RFX8: variants seen among roughly 807,000 people sequenced by gnomAD.
The protein encoded by RFX8 is DNA-binding protein RFX8.
In RFX8, 46 loss-of-function variants were observed where a neutral mutation model predicts 54.6. That is an observed-to-expected ratio of 0.84 (90% confidence interval 0.67 to 1.08). The LOEUF (loss-of-function observed/expected upper bound fraction) is 1.08. Ranked by LOEUF, RFX8 falls within the 50% of genes least tolerant of loss-of-function variation. The probability of loss-of-function intolerance (pLI) is 0.00; values close to 1 mark genes in which losing one functional copy is unlikely to be tolerated. For synonymous variants in RFX8, 192 were observed against 209.5 expected (o/e 0.92, Z 0.72); for missense variants, 536 against 562.3 (o/e 0.95, Z 0.47).
intron 2 of RFX8, among the ~76,000 whole-genome samples, chr2:101,452,881 C>T (rs1037755448): frequency 5.3e-5 from 8 of 151,476 alleles, no homozygotes; most frequent in South Asian, 2.1e-4. Flanking sequence ...CTGAGGCAGG[C>T]GAATCATGAG....
intron 1 of RFX8, among the ~76,000 whole-genome samples, chr2:101,468,732 A>G (rs1689719706): frequency 6.6e-6 from 1 of 151,738 alleles, no homozygotes. Flanking sequence ...CCGGGTGGAC[A>G]TGAGTTTTTT....
At chr2:101,456,488 G>A (rs1440249696) in intron 2 of RFX8, among the ~76,000 whole-genome samples, 1 of 152,110 alleles carries the variant, frequency 6.6e-6, no homozygotes, top group African/African-American at 2.4e-5. Context: ...TTTTGTCGTT[G>A]GTTCTGTTTA....
chr2:101,438,037 CTCT>C (rs77066535), intron 2 of RFX8, among the ~76,000 whole-genome samples: 114,128 of 151,522 alleles, frequency 0.75, 43,883 homozygotes, highest in Middle Eastern at 0.87. Flanking sequence ...TAGTTTGTTC[CTCT>C]TTTTTTTTAA....
intron 11 of RFX8, among the ~76,000 whole-genome samples, chr2:101,400,414 C>T (rs970001144): frequency 4.6e-5 from 7 of 152,188 alleles, no homozygotes; most frequent in African/African-American, 1.2e-4. Context: ...TGGACTTCTA[C>T]AAGAATCCTC....
At chr2:101,451,821 T>C (rs1038332220) in intron 2 of RFX8, among the ~76,000 whole-genome samples, 4 of 152,036 alleles carry the variant, frequency 2.6e-5, no homozygotes, top group African/African-American at 9.7e-5. Context: ...AGGCCGGACG[T>C]GGTGGCTCAC....
intron 8 of RFX8, among the ~76,000 whole-genome samples, chr2:101,412,200 G>C (rs1686176329): frequency 6.6e-6 from 1 of 152,180 alleles, no homozygotes; most frequent in Admixed American, 6.5e-5. Context: ...GGAGGGCCTA[G>C]AGATGCCCAT....
At position 101,434,619 on chromosome 2, in the gene RFX8, C is replaced by T. The variant is rs543657298; in HGVS notation, c.73-12147G>A. Among the ~76,000 whole-genome samples the T allele has an allele frequency of 3.6e-3, 546 of 152,214 alleles. 2 individuals carry two copies. The highest frequency in any genetic ancestry group is 6.8e-3 in the Middle Eastern group (2 of 294). On this transcript the variant is annotated intron_variant, in intron 2 of 11. Coordinates refer to ENST00000428343, the MANE Select transcript of RFX8 (RefSeq NM_001145664.2). Reference sequence around the variant, plus strand: ...TGAGCGATAAAATGATAACAGTTCCCGATGTGAGAGGTATTCTGAGCGGTA... The same window carrying T: ...TGAGCGATAAAATGATAACAGTTCCTGATGTGAGAGGTATTCTGAGCGGTA...
chr2:101,400,424 C>T (rs1487709298), intron 11 of RFX8, among the ~76,000 whole-genome samples: 1 of 152,132 alleles, frequency 6.6e-6, no homozygotes, highest in African/African-American at 2.4e-5. Context: ...CAAGAATCCT[C>T]TTAGGTGGGT....
At chr2:101,461,123 G>A (rs937028959) in intron 2 of RFX8, among the ~76,000 whole-genome samples, 1 of 151,390 alleles carries the variant, frequency 6.6e-6, no homozygotes, top group African/African-American at 2.4e-5. Context: ...AAAAAAAATT[G>A]CCGGGCATGG....
intron 5 of RFX8, among the ~76,000 whole-genome samples, chr2:101,418,535 A>G (rs575893806): frequency 1.2e-4 from 18 of 152,254 alleles, no homozygotes; most frequent in Non-Finnish European, 2.9e-5. Context: ...AGTTATGCAT[A>G]TTACAATTCC....
At chr2:101,417,472 C>T in intron 6 of RFX8, 62 bp downstream of exon 6, 1 of 1,469,368 alleles carries the variant, frequency 6.8e-7, no homozygotes, top group Non-Finnish European at 9.1e-7. Flanking sequence ...TTCCAAAGTG[C>T]TGGGATTACA....
chr2:101,435,446 A>G (rs1687726528), intron 2 of RFX8, among the ~76,000 whole-genome samples: 1 of 152,184 alleles, frequency 6.6e-6, no homozygotes, highest in Admixed American at 6.5e-5. Flanking sequence ...AAATGACAAC[A>G]AATTTATCCT....
intron 1 of RFX8, among the ~76,000 whole-genome samples, chr2:101,469,178 GGAGA>G (rs149464200): frequency 4.4e-5 from 6 of 134,862 alleles, no homozygotes; most frequent in South Asian, 2.4e-4. Flanking sequence ...ACATATACAT[GGAGA>G]GAGAGAGAGA....
At position 101,436,552 on chromosome 2, in the gene RFX8, T is replaced by C. The variant is rs183233636; in HGVS notation, c.73-14080A>G. Among the ~76,000 whole-genome samples the C allele has an allele frequency of 1.3e-3, 203 of 152,262 alleles. 2 individuals are homozygous for C. The highest frequency in any genetic ancestry group is 4.5e-3 in the African/African-American group (186 of 41,560). ...TCCAGTTCCTCCCTTAGGCAAATAC[T>C]AGTAGGAGAGTTTTTGTAAATCACT... On this transcript the variant is annotated intron_variant, in intron 2 of 11. Coordinates refer to ENST00000428343, the MANE Select transcript of RFX8 (RefSeq NM_001145664.2).
At chr2:101,399,780 G>A (rs867681954) in intron 11 of RFX8, among the ~76,000 whole-genome samples, 1 of 152,142 alleles carries the variant, frequency 6.6e-6, no homozygotes, top group Admixed American at 6.5e-5. Flanking sequence ...ATCTAATAAG[G>A]GGAAGAAGTA....
chr2:101,448,678 A>G (rs1256352725), intron 2 of RFX8, among the ~76,000 whole-genome samples: 3 of 152,354 alleles, frequency 2.0e-5, no homozygotes, highest in Middle Eastern at 3.4e-3. Flanking sequence ...TGTCTTACCC[A>G]TACTGGAGGC....
At chr2:101,453,287 AAATAAAT>A (rs1220204743) in intron 2 of RFX8, among the ~76,000 whole-genome samples, 17 of 65,694 alleles carry the variant, frequency 2.6e-4, no homozygotes, top group Non-Finnish European at 5.6e-4. Flanking sequence ...AAAAAAAAAT[AAATAAAT>A]AAAAAGAGAG....
At chr2:101,444,657 CAA>C in intron 2 of RFX8, among the ~76,000 whole-genome samples, 1 of 152,214 alleles carries the variant, frequency 6.6e-6, no homozygotes, top group Non-Finnish European at 1.5e-5. Context: ...AAAACCTCAG[CAA>C]AGTCATATAA....
At chr2:101,436,378 G>A (rs1687783415) in intron 2 of RFX8, among the ~76,000 whole-genome samples, 1 of 152,146 alleles carries the variant, frequency 6.6e-6, no homozygotes, top group African/African-American at 2.4e-5. Flanking sequence ...AGAAAGAAGA[G>A]ATAAAGACAA....
Sources: allele counts gnomAD v4.1 joint callset (sites outside exome capture counted in the v4.1 genomes callset), GRCh38; gene constraint gnomAD v4.1.1; transcripts MANE v1.5; gene names NCBI Gene and HGNC (gene_info 2026-07-23, HGNC 2026-07-21).